SLC39A4: variants seen among roughly 807,000 people sequenced by gnomAD.
The protein encoded by SLC39A4 is zinc transporter ZIP4.
In SLC39A4, 49 loss-of-function variants were observed where a neutral mutation model predicts 56.6. The ratio of observed to expected loss-of-function variants is 0.87; its 90% CI spans 0.69 to 1.10. The LOEUF (loss-of-function observed/expected upper bound fraction) is 1.10, where lower values mean the gene tolerates loss of function less well. Among genes scored for constraint, SLC39A4 ranks in the 50% least tolerant of loss-of-function variants. The probability of loss-of-function intolerance (pLI) is 0.00; values close to 1 mark genes in which losing one functional copy is unlikely to be tolerated. For synonymous variants in SLC39A4, 540 were observed against 420.4 expected, an observed-to-expected ratio of 1.28 and a Z score of -3.48; for missense variants, 993 against 864.2, an observed-to-expected ratio of 1.15 and a Z score of -1.87.
In SLC39A4 at chr8:144,413,782, TG is replaced by T; in HGVS notation, c.1386del (p.Lys463SerfsTer20). The T allele has an allele frequency of 6.5e-7, 1 of 1,548,108 alleles. No homozygotes were observed. The highest frequency in any genetic ancestry group is 8.7e-7 in the Non-Finnish European group (1 of 1,152,386). On this transcript the variant is annotated frameshift_variant, in exon 8 of 12. Coordinates refer to ENST00000301305, the MANE Select transcript of SLC39A4 (RefSeq NM_130849.4). LOFTEE classifies it high-confidence loss of function. ...GCGCGGGAGCCCTCGTGGGGGGGCT[TG>T]GGCTGCCGGAGCTCGCTGGGTGCCA... is the stretch of plus-strand genomic sequence containing the variant. ...LQLAPSELRQPKPPHEGSRAD... is the reference protein window; with the variant it reads ...LQLAPSELRQXKPPHEGSRAD...
chr8:144,415,856 A>G lies in SLC39A4; in HGVS notation c.428T>C (p.Leu143Pro). ...PKALTPGLSWLLQRMQARAAG... is the reference protein window; with the variant it reads ...PKALTPGLSWPLQRMQARAAG... Reference sequence around the variant, plus strand: ...AGCCCGGGCCTGCATCCTCTGCAGCAGCCAGCTCAGGCCCGGGGTCAGGGC... The same window carrying G: ...AGCCCGGGCCTGCATCCTCTGCAGCGGCCAGCTCAGGCCCGGGGTCAGGGC... Residue 143 changes from leucine to proline, a missense_variant, in exon 2 of 12, where the codon CTG becomes CCG. Coordinates refer to ENST00000301305, the MANE Select transcript of SLC39A4 (RefSeq NM_130849.4). The G allele has an allele frequency of 6.3e-7, 1 of 1,598,194 alleles. No homozygotes were observed. The highest frequency in any genetic ancestry group is 8.5e-7 in the Non-Finnish European group (1 of 1,175,984).
chr8:144,412,709 C>T (rs1334957992), intron 11 of SLC39A4, 43 bp from the exon 12 acceptor site: 1 of 1,613,414 alleles, frequency 6.2e-7, no homozygotes, highest in South Asian at 1.1e-5. Context: ...CTGCTCAGCT[C>T]CTCTGCTCAG....
intron 2 of SLC39A4, 130 bp from the exon 3 acceptor site, chr8:144,415,549 C>T (rs1822141774): frequency 4.1e-6 from 5 of 1,219,848 alleles, no homozygotes; most frequent in Non-Finnish European, 4.5e-6. Flanking sequence ...CCTGGAGCCA[C>T]AGCCCTCCCT....
chr8:144,413,469 AC>A, intron 9 of SLC39A4, 43 bp downstream of exon 9: 1 of 1,566,790 alleles, frequency 6.4e-7, no homozygotes, highest in Non-Finnish European at 8.6e-7. Context: ...CTCCACACAA[AC>A]CCCAGATCCC....
At position 144,413,756 on chromosome 8, in the gene SLC39A4, T is replaced by A; in HGVS notation, c.1413A>T (p.Ala471=). The A allele has an allele frequency of 6.5e-7, 1 of 1,538,288 alleles. No individual in the cohort carries two copies. Among genetic ancestry groups the A allele is most frequent in the Non-Finnish European group, 8.7e-7 (1 of 1,147,788 alleles). ...GCATCTGGCGCCCACTCACCAGGTC[T>A]GCGCGGGAGCCCTCGTGGGGGGGCT... is the stretch of plus-strand genomic sequence containing the variant. ...QPKPPHEGSR[A]DLVAEESPEL... is the part of the protein sequence containing the mutation. The change falls in exon 8 of 12, where the codon GCA becomes GCT. Residue 471 remains alanine (A), a synonymous_variant. Coordinates refer to ENST00000301305, the MANE Select transcript of SLC39A4 (RefSeq NM_130849.4).
In SLC39A4 at chr8:144,415,268, A is replaced by G; in HGVS notation, c.626T>C (p.Val209Ala). Residue 209 changes from valine (V) to alanine (A), a missense_variant, in exon 3 of 12, where the codon GTG (valine) becomes GCG (alanine). Physicochemically the swap from Val to Ala is moderately conservative, Grantham distance 64. Coordinates refer to ENST00000301305, the MANE Select transcript of SLC39A4 (RefSeq NM_130849.4). Reference protein sequence around the residue: ...LPSPQYFVDFVFQQHSSEVPM... With the variant: ...LPSPQYFVDFAFQQHSSEVPM... ...GACCTCGCTGCTGTGCTGCTGGAAC[A>G]CAAAGTCCACGAAGTACTGAGGGCT... is the stretch of plus-strand genomic sequence containing the variant. 6.2e-7 allele frequency: 1 copy of G among 1,613,216 alleles called. No homozygotes were observed. Among genetic ancestry groups the G allele is most frequent in the Non-Finnish European group, 8.5e-7 (1 of 1,179,858 alleles).
chr8:144,416,318 GACTCCCCT>G (rs1396609260), intron 1 of SLC39A4: 7 of 1,503,404 alleles, frequency 4.7e-6, no homozygotes, highest in Non-Finnish European at 6.2e-6. Context: ...ATCCCCAGGG[GACTCCCCT>G]GGAGCCACTG....
rs1202314576 is a variant in SLC39A4 at position 144,412,557 on chromosome 8, T to G, written c.1925A>C (p.Glu642Ala). The change falls in exon 12 of 12, where the codon GAG becomes GCG. Residue 642 changes from glutamate to alanine, a missense_variant. Coordinates refer to ENST00000301305, the MANE Select transcript of SLC39A4 (RefSeq NM_130849.4). ...WTVLLLLSLY[E>A]DDITF Reference sequence around the variant, plus strand: ...AGGGTATCAGAAGGTGATGTCATCCTCGTACAGGGACAGCAGCAGCAGGAC... The same window carrying G: ...AGGGTATCAGAAGGTGATGTCATCCGCGTACAGGGACAGCAGCAGCAGGAC... The G allele has an allele frequency of 6.2e-7, 1 of 1,614,186 alleles. No homozygotes were observed. Among genetic ancestry groups the G allele is most frequent in the Non-Finnish European group, 8.5e-7 (1 of 1,180,024 alleles).
Position 144,414,191 on chromosome 8 carries a change from C to T in SLC39A4, c.1149+71G>A, listed in dbSNP as rs190560765. 7.0e-6 allele frequency: 11 copies of T among 1,580,802 alleles called. 2 individuals carry two copies. In the South Asian group the frequency reaches 8.1e-5, roughly 12 times the overall value. On this transcript the variant is annotated intron_variant, in intron 6 of 11. Transcript: ENST00000301305. ...TCAGGAGGTGGGGTGGGTAAGGTCC[C>T]TGGGAGGGCACGGCCTGGGAGTCCA...
Position 144,414,452 on chromosome 8 carries a change from G to A in SLC39A4, c.977-18C>T, listed in dbSNP as rs782779172. ...CAGATACCCTGGGGGCGGGTGAGGC[G>A]GCTGTGAGAGCTTTTCTTCCAGACT... On this transcript the variant is annotated intron_variant, in intron 5 of 11. Transcript: ENST00000301305. The A allele has an allele frequency of 2.9e-5, 45 of 1,550,286 alleles. No homozygotes were observed. The highest frequency in any genetic ancestry group is 1.8e-4 in the Admixed American group (9 of 51,022).
In SLC39A4 at chr8:144,414,376, G is replaced by T. The variant is rs782166922; in HGVS notation, c.1035C>A (p.Leu345=). The T allele has an allele frequency of 2.3e-5, 36 of 1,583,254 alleles. No individual in the cohort carries two copies. The highest frequency in any genetic ancestry group is 2.9e-5 in the Non-Finnish European group (34 of 1,166,170). The part of the protein sequence containing the change: ...LLICLCAVFG[L]LLLTCTGCRG... ...TGCAGCCAGTGCAGGTCAGCAGCAGGAGGCCAAAGACCGCGCAGAGGCAGA... is the reference window on the plus strand; with the variant it reads ...TGCAGCCAGTGCAGGTCAGCAGCAGTAGGCCAAAGACCGCGCAGAGGCAGA... Residue 345 remains leucine (L), a synonymous_variant, in exon 6 of 12, where the codon CTC becomes CTA. Coordinates refer to ENST00000301305, the MANE Select transcript of SLC39A4 (RefSeq NM_130849.4).
Position 144,412,558 on chromosome 8 carries a change from C to T in SLC39A4, c.1924G>A (p.Glu642Lys), listed in dbSNP as rs782620896. Reference protein sequence around the residue: ...WTVLLLLSLYEDDITF With the variant: ...WTVLLLLSLYKDDITF Reference sequence around the variant, plus strand: ...GGGTATCAGAAGGTGATGTCATCCTCGTACAGGGACAGCAGCAGCAGGACG... The same window carrying T: ...GGGTATCAGAAGGTGATGTCATCCTTGTACAGGGACAGCAGCAGCAGGACG... Residue 642 changes from glutamate (E) to lysine (K), a missense_variant, in exon 12 of 12, where the codon GAG becomes AAG. Physicochemically the swap from Glu to Lys is moderately conservative, Grantham distance 56 (BLOSUM62 1). Transcript: ENST00000301305. 18 of 1,614,064 alleles carry T rather than the reference C, an allele frequency of 1.1e-5. No homozygotes were observed. The highest frequency in any genetic ancestry group is 8.8e-5 in the South Asian group (8 of 91,086).
Position 144,414,493 on chromosome 8 carries a change from G to A in SLC39A4, c.977-59C>T, listed in dbSNP as rs546527802. 6.4e-4 allele frequency: 995 copies of A among 1,547,218 alleles called. 2 individuals are homozygous for A. In the African/African-American group the frequency reaches 0.01, roughly 16 times the overall value. ...CTTCCAGACTCAGCCCCTGCTTCCC[G>A]GGCGCTGCTCACCAGAGCTGCAGGC... is the stretch of plus-strand genomic sequence containing the variant. On this transcript the variant is annotated intron_variant, in intron 5 of 11. Transcript: ENST00000301305.
At position 144,416,756 on chromosome 8, in the gene SLC39A4, G is replaced by A. The variant is rs1564711881; in HGVS notation, c.34C>T (p.Leu12Phe). 4 of 1,612,816 alleles carry A rather than the reference G, an allele frequency of 2.5e-6. No individual in the cohort carries two copies. The highest frequency in any genetic ancestry group is 2.2e-5 in the South Asian group (2 of 91,054). Residue 12 changes from leucine to phenylalanine, a missense_variant, in exon 1 of 12, where the codon CTT becomes TTT. Coordinates refer to ENST00000301305, the MANE Select transcript of SLC39A4 (RefSeq NM_130849.4). ...ASLVSLELGLLLAVLVVTATA... is the reference protein window; with the variant it reads ...ASLVSLELGLFLAVLVVTATA... ...GCCGTCACCACCAGCACAGCCAGAA[G>A]CAGCCCCAGCTCCAGCGAGACCAGG...
rs1822122343 is a variant in SLC39A4 at position 144,415,267 on chromosome 8, CACAA to C, written c.623_626del (p.Phe208CysfsTer11). On this transcript the variant is annotated frameshift_variant, in exon 3 of 12. Transcript: ENST00000301305. LOFTEE classifies it high-confidence loss of function. ...GGACCTCGCTGCTGTGCTGCTGGAA[CACAA>C]AGTCCACGAAGTACTGAGGGCTCGG... 6.2e-7 allele frequency: 1 copy of C among 1,613,162 alleles called. No homozygotes were observed. The highest frequency in any genetic ancestry group is 8.5e-7 in the Non-Finnish European group (1 of 1,179,882).
Position 144,416,727 on chromosome 8 carries a change from C to T in SLC39A4, c.63G>A (p.Thr21=), listed in dbSNP as rs13251676. The change falls in exon 1 of 12, where the codon ACG becomes ACA. Residue 21 remains threonine (T), a synonymous_variant. Transcript: ENST00000301305. ...LLLAVLVVTA[T]ASPPAGLLSL... ...TCAGCAGACCAGCAGGCGGGGACGCCGTCGCCGTCACCACCAGCACAGCCA... is the reference window on the plus strand; with the variant it reads ...TCAGCAGACCAGCAGGCGGGGACGCTGTCGCCGTCACCACCAGCACAGCCA... 8.1e-6 allele frequency: 13 copies of T among 1,612,322 alleles called. No individual in the cohort carries two copies. Among genetic ancestry groups the T allele is most frequent in the African/African-American group, 1.3e-5 (1 of 74,938 alleles).
chr8:144,416,660 G>A lies in SLC39A4; in HGVS notation c.130C>T (p.Leu44=). 1 of 1,611,198 alleles carries A rather than the reference G, an allele frequency of 6.2e-7. No individual in the cohort carries two copies. The highest frequency in any genetic ancestry group is 8.5e-7 in the Non-Finnish European group (1 of 1,179,290). ...SGQGALDQEA[L]GGLLNTLADR... ...GCCAGCGTATTTAACAGGCCGCCCA[G>A]AGCCTCTTGATCCAGAGCGCCCTGG... Residue 44 remains leucine, a synonymous_variant, in exon 1 of 12, where the codon CTG becomes TTG. Coordinates refer to ENST00000301305, the MANE Select transcript of SLC39A4 (RefSeq NM_130849.4).
At position 144,414,736 on chromosome 8, in the gene SLC39A4, C is replaced by A. The variant is rs1026306474; in HGVS notation, c.965G>T (p.Ser322Ile). 1 of 1,612,838 alleles carries A rather than the reference C, an allele frequency of 6.2e-7. No homozygotes were observed. The highest frequency in any genetic ancestry group is 8.5e-7 in the Non-Finnish European group (1 of 1,179,782). The change falls in exon 5 of 12, where the codon AGC becomes ATC. Residue 322 changes from serine to isoleucine, a missense_variant. By Grantham distance (142) the Ser-to-Ile change is moderately radical. Coordinates refer to ENST00000301305, the MANE Select transcript of SLC39A4 (RefSeq NM_130849.4). ...QSRPPVQDQLSQSERYLYGSL... is the reference protein window; with the variant it reads ...QSRPPVQDQLIQSERYLYGSL... ...GCGTGGGCACTCACTCTCTGACTGGCTGAGCTGGTCCTGGACGGGGGGCCT... is the reference window on the plus strand; with the variant it reads ...GCGTGGGCACTCACTCTCTGACTGGATGAGCTGGTCCTGGACGGGGGGCCT...
rs782564135 is a variant in SLC39A4, at chr8:144,412,530, G to A, written c.*8C>T. The A allele has an allele frequency of 6.2e-6, 10 of 1,614,072 alleles. No individual in the cohort carries two copies. In the East Asian group the frequency reaches 1.8e-4, roughly 29 times the overall value. ...CTTAAGTCAAAGGTGGGGGACTAGG[G>A]CAGGGTATCAGAAGGTGATGTCATC... is the stretch of plus-strand genomic sequence containing the variant. On this transcript the variant is annotated 3_prime_UTR_variant, in exon 12 of 12. Coordinates refer to ENST00000301305, the MANE Select transcript of SLC39A4 (RefSeq NM_130849.4).
Sources: gnomAD v4.1 joint callset for allele counts on GRCh38, gnomAD v4.1.1 for gene constraint, MANE v1.5 for transcripts, NCBI Gene and HGNC (gene_info 2026-07-23, HGNC 2026-07-21) for gene names.